Variants in SLFN12L observed in about 807,000 individuals in gnomAD.
SLFN12L encodes schlafen family member 12 like, also known as schlafen family member 12-like.
Under a neutral mutation model 34.8 loss-of-function variants are expected in SLFN12L, and 34 were observed. That is an observed-to-expected ratio of 0.98 (90% CI 0.74 to 1.30). The LOEUF (loss-of-function observed/expected upper bound fraction) is 1.30, where lower values mean the gene tolerates loss of function less well. Among genes scored for constraint, SLFN12L ranks in the 50% most tolerant of loss-of-function variants. SLFN12L has a pLI of 0.00. For synonymous variants in SLFN12L, 259 were observed against 247.5 expected (o/e 1.05, Z -0.44); for missense variants, 703 against 696.2 (o/e 1.01, Z -0.11).
intron 2 of SLFN12L, chr17:35,491,329 T>C (rs1914829654): frequency 3.9e-6 from 2 of 513,570 alleles, no homozygotes; most frequent in Non-Finnish European, 6.9e-6. Context: ...CCCTTCCTAC[T>C]TTCTTCCTCC....
intron 2 of SLFN12L, among the ~76,000 whole-genome samples, chr17:35,481,849 G>T (rs993665351): frequency 6.6e-6 from 1 of 152,064 alleles, no homozygotes; most frequent in Admixed American, 6.6e-5. Context: ...TTGTTTTGTT[G>T]TTTGTTTTTT....
At chr17:35,510,456 C>T (rs770373840) in intron 2 of SLFN12L, among the ~76,000 whole-genome samples, 4 of 152,186 alleles carry the variant, frequency 2.6e-5, no homozygotes, top group East Asian at 3.8e-4. Flanking sequence ...GGCTGCAACA[C>T]GGATGAACTT....
chr17:35,474,888 G>GTCA lies in SLFN12L; in HGVS notation c.*32_*34dup. ...AGAGGTTGCAGTGAGTCGAGATCGT[G>GTCA]TCACTACACTCCAGTCTGGGTGACA... is the stretch of plus-strand genomic sequence containing the variant. On this transcript the variant is annotated 3_prime_UTR_variant, in exon 5 of 5. Coordinates refer to ENST00000628453, the MANE Select transcript of SLFN12L (RefSeq NM_001363830.2). 1 of 1,501,680 alleles carries GTCA rather than the reference G, an allele frequency of 6.7e-7. No individual in the cohort carries two copies. Among genetic ancestry groups the GTCA allele is most frequent in the South Asian group, 1.3e-5 (1 of 74,368 alleles). 93.0% of individuals were successfully genotyped at this position (1,501,680 alleles called of 1,614,324 possible). A position where few individuals can be genotyped will look rare whatever the true frequency, so the allele number is the denominator to read the frequency against.
At chr17:35,491,857 C>T (rs367968004) in intron 2 of SLFN12L, among the ~76,000 whole-genome samples, 1 of 152,226 alleles carries the variant, frequency 6.6e-6, no homozygotes, top group African/African-American at 2.4e-5. Context: ...CCACAGGCTT[C>T]TGGATGAAGA....
At chr17:35,495,356 G>T (rs1915011220) in intron 2 of SLFN12L, among the ~76,000 whole-genome samples, 1 of 152,146 alleles carries the variant, frequency 6.6e-6, no homozygotes, top group African/African-American at 2.4e-5. Context: ...GGTTTCAAGG[G>T]TTTCTAGGTA....
chr17:35,495,900 AACACACACACACACACACACAC>A (rs58553128), intron 2 of SLFN12L, among the ~76,000 whole-genome samples: 7 of 138,062 alleles, frequency 5.1e-5, no homozygotes, highest in East Asian at 2.2e-4. Flanking sequence ...GCCGATTTGA[AACACACACACACACACACACAC>A]ACACACACAC....
rs547997736 is a variant in SLFN12L, at chr17:35,508,446, A to G, written c.86+13833T>C. ...ACTGCAATGTCCGCCTCCCAGGTTC[A>G]TGCCATTCTCCTGCCTCAGCCTCCT... On this transcript the variant is annotated intron_variant, in intron 2 of 4. Coordinates refer to ENST00000628453, the MANE Select transcript of SLFN12L (RefSeq NM_001363830.2). Among the ~76,000 whole-genome samples, 19 of 152,288 alleles carry G rather than the reference A, an allele frequency of 1.2e-4. No homozygotes were observed. The East Asian group carries it at 3.7e-3, about 29-fold the overall frequency.
intron 2 of SLFN12L, chr17:35,498,819 G>A (rs1915189621): frequency 1.2e-6 from 1 of 826,908 alleles, no homozygotes; most frequent in Non-Finnish European, 2.0e-6. Context: ...TGTGCAGCCT[G>A]CCAAGACAAC....
At chr17:35,532,492 T>C (rs941474440) in intron 1 of SLFN12L, among the ~76,000 whole-genome samples, 18 of 150,284 alleles carry the variant, frequency 1.2e-4, no homozygotes, top group African/African-American at 4.4e-4. Flanking sequence ...AAAAAATTGA[T>C]AGTGCAGATA....
chr17:35,496,613 C>T (rs1915091148), intron 2 of SLFN12L, among the ~76,000 whole-genome samples: 2 of 151,868 alleles, frequency 1.3e-5, no homozygotes, highest in African/African-American at 4.8e-5. Flanking sequence ...AAGATCGAGC[C>T]CCAGCGCTGC....
rs143438760 is a variant in SLFN12L at position 35,498,961 on chromosome 17, T to A, written c.87-18766A>T. 302 of 714,584 alleles carry A rather than the reference T, an allele frequency of 4.2e-4. 1 individual carries two copies. Among genetic ancestry groups the A allele is most frequent in the African/African-American group, 4.0e-3 (227 of 57,374 alleles). The allele number at this position is 714,584 out of a possible 1,614,324, so 44.3% of individuals were successfully genotyped here. On this transcript the variant is annotated intron_variant, in intron 2 of 4. Coordinates refer to ENST00000628453, the MANE Select transcript of SLFN12L (RefSeq NM_001363830.2). ...GTCTTACAGGAGCGCATTAAGCAAGTCAAGGATGGGTGTCCCTCCCTCACT... is the reference window on the plus strand; with the variant it reads ...GTCTTACAGGAGCGCATTAAGCAAGACAAGGATGGGTGTCCCTCCCTCACT...
intron 2 of SLFN12L, among the ~76,000 whole-genome samples, chr17:35,488,309 T>G (rs1914688946): frequency 6.6e-6 from 1 of 152,184 alleles, no homozygotes; most frequent in Admixed American, 6.5e-5. Context: ...AAAGCGCAGT[T>G]GACGCCAGAA....
intron 2 of SLFN12L, among the ~76,000 whole-genome samples, chr17:35,482,356 C>A (rs868503728): frequency 6.6e-5 from 10 of 152,206 alleles, no homozygotes; most frequent in Non-Finnish European, 1.3e-4. Context: ...GGGATGGCAG[C>A]CTGCCATCAC....
rs762988831 is a variant in SLFN12L at position 35,479,222 on chromosome 17, A to G, written c.1060T>C (p.Cys354Arg). Residue 354 changes from cysteine (C) to arginine (R), a missense_variant, in exon 3 of 5, where the codon TGT becomes CGT. Coordinates refer to ENST00000628453, the MANE Select transcript of SLFN12L (RefSeq NM_001363830.2). ...TCAGGCTTTTTAGCAAACACTGCAC[A>G]GCAGAAGCGTTCCACTCTGAGTGCA... ...VYALRVERFC[C>R]AVFAKKPDSW... is the part of the protein sequence containing the mutation. 1.9e-6 allele frequency: 3 copies of G among 1,589,100 alleles called. No homozygotes were observed. Among genetic ancestry groups the G allele is most frequent in the South Asian group, 1.1e-5 (1 of 87,836 alleles).
Position 35,479,607 on chromosome 17 carries a change from A to C in SLFN12L, c.675T>G (p.Asp225Glu). Residue 225 changes from aspartate to glutamate, a missense_variant, in exon 3 of 5, where the codon GAT (aspartate) becomes GAG (glutamate). Transcript: ENST00000628453. ...AACCAAGTTCTGTTCTGTTAAAAAA[A>C]TCAGCAGCCAAGGCTTCCATGTTAC... Reference protein sequence around the residue: ...EESNMEALAADFFNRTELGYK... With the variant: ...EESNMEALAAEFFNRTELGYK... 6.2e-7 allele frequency: 1 copy of C among 1,612,430 alleles called. No individual in the cohort carries two copies. The highest frequency in any genetic ancestry group is 8.5e-7 in the Non-Finnish European group (1 of 1,179,272).
chr17:35,489,652 G>T (rs1914752359), intron 2 of SLFN12L, among the ~76,000 whole-genome samples: 1 of 152,096 alleles, frequency 6.6e-6, no homozygotes, highest in Admixed American at 6.5e-5. Context: ...ATCCAAGAGT[G>T]ATTTAGATGT....
intron 1 of SLFN12L, among the ~76,000 whole-genome samples, chr17:35,532,183 C>T (rs1038375856): frequency 2.0e-5 from 3 of 152,146 alleles, no homozygotes; most frequent in South Asian, 2.1e-4. Context: ...CAGTGGCTCA[C>T]GCCTGTAATC....
At chr17:35,481,045 T>C (rs1914316017) in intron 2 of SLFN12L, among the ~76,000 whole-genome samples, 1 of 151,992 alleles carries the variant, frequency 6.6e-6, no homozygotes, top group African/African-American at 2.4e-5. Flanking sequence ...CATACAGAGA[T>C]AGGAGCTGAA....
intron 1 of SLFN12L, among the ~76,000 whole-genome samples, chr17:35,537,211 T>G (rs1441815469): frequency 6.6e-6 from 1 of 152,088 alleles, no homozygotes; most frequent in Non-Finnish European, 1.5e-5. Context: ...CAGGCATCCC[T>G]TCCTCCCAAG....
Sources: allele counts gnomAD v4.1 joint callset (sites outside exome capture counted in the v4.1 genomes callset), GRCh38; gene constraint gnomAD v4.1.1; transcripts MANE v1.5; gene names NCBI Gene and HGNC (gene_info 2026-07-23, HGNC 2026-07-21).